The following ALK variants were observed in gnomAD, a reference collection of about 807,000 sequenced individuals.
ALK encodes ALK tyrosine kinase receptor.
ALK carries 74 observed loss-of-function variants against 163.1 expected under a neutral mutation model. That is an observed-to-expected ratio of 0.45 (90% CI 0.38 to 0.55). The LOEUF (loss-of-function observed/expected upper bound fraction) is 0.55. Ranked by LOEUF, ALK falls within the 20% of genes least tolerant of loss-of-function variation. The pLI, the probability that ALK is intolerant of heterozygous loss-of-function variation, is 0.00. For missense variants in ALK, 2,063 were observed against 2,105.3 expected (o/e 0.98, Z 0.39); for synonymous variants, 960 against 843.2 (o/e 1.14, Z -2.40).
At chr2:29,631,983 T>C (rs1238687925) in intron 3 of ALK, among the ~76,000 whole-genome samples, 2 of 152,236 alleles carry the variant, frequency 1.3e-5, no homozygotes, top group Admixed American at 1.3e-4. Context: ...AGAATAGGGA[T>C]TGCTTCTAAG....
At chr2:29,580,863 T>C (rs1259517110) in intron 3 of ALK, among the ~76,000 whole-genome samples, 3 of 152,206 alleles carry the variant, frequency 2.0e-5, no homozygotes, top group Admixed American at 6.5e-5. Flanking sequence ...GGGGTTTTGC[T>C]GAGGGACGGC....
chr2:29,675,991 G>A (rs540566884), intron 3 of ALK, among the ~76,000 whole-genome samples: 3 of 152,190 alleles, frequency 2.0e-5, no homozygotes, highest in African/African-American at 7.2e-5. Context: ...CTCCCAAAGT[G>A]TTGGGATTAC....
Position 29,265,817 on chromosome 2 carries a change from G to A in ALK, c.2041+9282C>T, listed in dbSNP as rs572668004. Among the ~76,000 whole-genome samples the A allele has an allele frequency of 8.6e-5, 13 of 152,018 alleles. No individual in the cohort carries two copies. In the South Asian group the frequency reaches 1.5e-3, roughly 17 times the overall value. On this transcript the variant is annotated intron_variant, in intron 11 of 28. Transcript: ENST00000389048. Reference sequence around the variant, plus strand: ...AGCCTGGCCAACATGGTGAAACCCCGTCTCTACTAAAAATGCAAAAATTAG... The same window carrying A: ...AGCCTGGCCAACATGGTGAAACCCCATCTCTACTAAAAATGCAAAAATTAG...
intron 1 of ALK, among the ~76,000 whole-genome samples, chr2:29,840,933 T>C (rs1665680485): frequency 6.6e-6 from 1 of 152,212 alleles, no homozygotes; most frequent in Non-Finnish European, 1.5e-5. Context: ...GTCTTTTAGA[T>C]ACGGCTACTG....
intron 5 of ALK, among the ~76,000 whole-genome samples, chr2:29,361,736 G>T (rs1165114460): frequency 6.6e-6 from 1 of 152,162 alleles, no homozygotes; most frequent in Non-Finnish European, 1.5e-5. Context: ...TCTGCTTTGG[G>T]CTGGAAACCC....
intron 1 of ALK, among the ~76,000 whole-genome samples, chr2:29,771,818 G>A (rs1279285738): frequency 6.6e-6 from 1 of 151,942 alleles, no homozygotes; most frequent in East Asian, 1.9e-4. Flanking sequence ...ACAGGCATGA[G>A]CCACTGCGCC....
chr2:29,497,431 T>C (rs112911181), intron 4 of ALK, among the ~76,000 whole-genome samples: 196 of 152,222 alleles, frequency 1.3e-3, no homozygotes, highest in African/African-American at 4.4e-3. Flanking sequence ...ATTGCTCAAA[T>C]AGAAACAGAA....
chr2:29,462,471 C>T (rs1438040377), intron 4 of ALK, among the ~76,000 whole-genome samples: 1 of 152,092 alleles, frequency 6.6e-6, no homozygotes. Context: ...AGTCAACAGC[C>T]ACCAACATTG....
At chr2:29,721,821 C>G (rs1679431659) in intron 1 of ALK, among the ~76,000 whole-genome samples, 1 of 152,250 alleles carries the variant, frequency 6.6e-6, no homozygotes, top group South Asian at 2.1e-4. Context: ...GACTGCCACA[C>G]TCTTCTCCAG....
intron 4 of ALK, among the ~76,000 whole-genome samples, chr2:29,521,876 C>T (rs1020471281): frequency 3.9e-5 from 6 of 152,138 alleles, no homozygotes; most frequent in East Asian, 1.9e-4. Flanking sequence ...GACAGGAGAG[C>T]GGAGGCCAGC....
chr2:29,354,422 T>C (rs1668192585), intron 5 of ALK, among the ~76,000 whole-genome samples: 1 of 152,194 alleles, frequency 6.6e-6, no homozygotes, highest in African/African-American at 2.4e-5. Context: ...GCTGGGTGTC[T>C]GTGAGGGTTG....
At chr2:29,697,663 G>C (rs1473972786) in intron 2 of ALK, among the ~76,000 whole-genome samples, 2 of 152,214 alleles carry the variant, frequency 1.3e-5, no homozygotes, top group African/African-American at 4.8e-5. Flanking sequence ...ATAGATATTG[G>C]ACAGACAATA....
chr2:29,442,734 T>C (rs955391935), intron 4 of ALK, among the ~76,000 whole-genome samples: 3 of 152,214 alleles, frequency 2.0e-5, no homozygotes, highest in African/African-American at 4.8e-5. Context: ...AACAGTGAAA[T>C]GAACTTTCGA....
At chr2:29,769,996 C>T (rs2339480) in intron 1 of ALK, among the ~76,000 whole-genome samples, 6,361 of 152,152 alleles carry the variant, frequency 0.042, 461 homozygotes, top group African/African-American at 0.15. Flanking sequence ...GTGGGAGGGA[C>T]GAGAAACTAA....
chr2:29,210,918 C>G (rs1279544636), intron 24 of ALK, among the ~76,000 whole-genome samples: 1 of 152,164 alleles, frequency 6.6e-6, no homozygotes, highest in Non-Finnish European at 1.5e-5. Context: ...GCTTACCATT[C>G]TGGTCATGCA....
At chr2:29,883,020 A>AT (rs1666903560) in intron 1 of ALK, among the ~76,000 whole-genome samples, 1 of 151,916 alleles carries the variant, frequency 6.6e-6, no homozygotes, top group Non-Finnish European at 1.5e-5. Flanking sequence ...TTGATAGAGA[A>AT]TTTTTTCATG....
At chr2:29,710,046 T>G (rs78492964) in intron 2 of ALK, among the ~76,000 whole-genome samples, 1 of 152,128 alleles carries the variant, frequency 6.6e-6, no homozygotes, top group African/African-American at 2.4e-5. Context: ...TGCAAGGTAA[T>G]TGAATCATGG....
chr2:29,272,485 G>T (rs969192638), intron 11 of ALK, among the ~76,000 whole-genome samples: 2 of 152,176 alleles, frequency 1.3e-5, no homozygotes, highest in Admixed American at 6.5e-5. Context: ...AAGGAGTCAG[G>T]CTGAGTCCCT....
intron 1 of ALK, among the ~76,000 whole-genome samples, chr2:29,822,321 T>C (rs1418641477): frequency 6.6e-6 from 1 of 152,190 alleles, no homozygotes; most frequent in Non-Finnish European, 1.5e-5. Context: ...AGGATCAGCC[T>C]AGAGAACTAA....
Sources: allele counts gnomAD v4.1 joint callset (sites outside exome capture counted in the v4.1 genomes callset), GRCh38; gene constraint gnomAD v4.1.1; transcripts MANE v1.5; gene names NCBI Gene and HGNC (gene_info 2026-07-23, HGNC 2026-07-21).